The following LRRIQ1 variants were observed in gnomAD, a reference collection of about 807,000 sequenced individuals.
LRRIQ1 encodes leucine rich repeats and IQ motif containing 1, also known as leucine-rich repeat- and IQ domain-containing protein 1.
In LRRIQ1, 210 loss-of-function variants were observed where a neutral mutation model predicts 211.9. The ratio of observed to expected loss-of-function variants is 0.99; its 90% confidence interval spans 0.89 to 1.11. The LOEUF (loss-of-function observed/expected upper bound fraction) is 1.11, where lower values mean the gene tolerates loss of function less well. Ranked by LOEUF, LRRIQ1 falls within the 50% of genes most tolerant of loss-of-function variation. The probability of loss-of-function intolerance (pLI) is 0.00; values close to 1 mark genes in which losing one functional copy is unlikely to be tolerated. For synonymous variants in LRRIQ1, 699 were observed against 650.1 expected (o/e 1.08, Z -1.14); for missense variants, 2,136 against 1,939.5 (o/e 1.10, Z -1.90).
At chr12:85,098,740 T>C (rs1017304622) in intron 12 of LRRIQ1, 127 bp from the exon 13 acceptor site, 7 of 722,534 alleles carry the variant, frequency 9.7e-6, no homozygotes, top group South Asian at 5.5e-5. Flanking sequence ...AAAAGTCTTA[T>C]ACCTTATGAT....
Position 85,236,830 on chromosome 12 carries a change from C to CATATATATATATATCTATATATAT in LRRIQ1, c.5016+4088_5016+4089insCTATATATATATATATATATATAT, listed in dbSNP as rs1555228690. ...CTGGATATATGTATGTGTATGTGTGCATATATATATATATATATATATATA... is the reference window on the plus strand; with the variant it reads ...CTGGATATATGTATGTGTATGTGTGCATATATATATATATCTATATATATATATATATATATATATATATATATA... On this transcript the variant is annotated intron_variant, in intron 26 of 26. Coordinates refer to ENST00000393217, the MANE Select transcript of LRRIQ1 (RefSeq NM_001079910.2). Among the ~76,000 whole-genome samples, 62 of 108,794 alleles carry CATATATATATATATCTATATATAT rather than the reference C, an allele frequency of 5.7e-4. 1 individual carries two copies. Among genetic ancestry groups the CATATATATATATATCTATATATAT allele is most frequent in the East Asian group, 4.0e-3 (16 of 3,988 alleles). 71.4% of individuals were successfully genotyped at this position (108,794 alleles called of 152,430 possible).
At chr12:85,122,023 C>A (rs1888024111) in intron 16 of LRRIQ1, 147 bp downstream of exon 16, 2 of 521,824 alleles carry the variant, frequency 3.8e-6, no homozygotes, top group Non-Finnish European at 6.0e-6. Context: ...AAACTTTGGA[C>A]ATCATGTTTT....
At chr12:85,143,844 T>A (rs908659886) in intron 19 of LRRIQ1, among the ~76,000 whole-genome samples, 1 of 151,600 alleles carries the variant, frequency 6.6e-6, no homozygotes, top group Non-Finnish European at 1.5e-5. Flanking sequence ...CAGGTGTTTA[T>A]GTTTTGTTTT....
At chr12:85,102,282 C>T (rs1234260968) in intron 13 of LRRIQ1, among the ~76,000 whole-genome samples, 2 of 151,584 alleles carry the variant, frequency 1.3e-5, no homozygotes, top group African/African-American at 4.8e-5. Flanking sequence ...CCTTCCCTTC[C>T]CTTGACTTTT....
At chr12:85,089,727 A>G (rs1885183861) in intron 11 of LRRIQ1, among the ~76,000 whole-genome samples, 1 of 152,214 alleles carries the variant, frequency 6.6e-6, no homozygotes. Flanking sequence ...GTAGCAAAAT[A>G]ATGACTTATA....
At chr12:85,067,289 A>G (rs1023109032) in intron 10 of LRRIQ1, among the ~76,000 whole-genome samples, 1 of 151,884 alleles carries the variant, frequency 6.6e-6, no homozygotes, top group Non-Finnish European at 1.5e-5. Context: ...CTCATTAGCT[A>G]CATACATCAC....
chr12:85,115,411 C>T (rs1887500788), intron 15 of LRRIQ1, among the ~76,000 whole-genome samples: 1 of 152,134 alleles, frequency 6.6e-6, no homozygotes, highest in Non-Finnish European at 1.5e-5. Flanking sequence ...AATCTGGATA[C>T]TGATTATATA....
intron 26 of LRRIQ1, among the ~76,000 whole-genome samples, chr12:85,239,356 TACACACACACACAC>T (rs55912271): frequency 1.4e-5 from 2 of 145,060 alleles, no homozygotes; most frequent in Admixed American, 7.0e-5. Context: ...AACTGTTTTA[TACACACACACACAC>T]ACACACACAC....
chr12:85,191,554 G>A (rs1809706176), intron 24 of LRRIQ1, among the ~76,000 whole-genome samples: 1 of 151,966 alleles, frequency 6.6e-6, no homozygotes, highest in African/African-American at 2.4e-5. Context: ...CACAGTTTAT[G>A]TAACCATCCA....
chr12:85,264,175 AT>A (rs1489239504), exon 2 of LRRIQ1: 1 of 152,036 alleles, frequency 6.6e-6, no homozygotes, highest in Non-Finnish European at 1.5e-5. Flanking sequence ...TCCCTATTGC[AT>A]TGCAAACCTA....
chr12:85,084,601 A>G (rs541095464), intron 11 of LRRIQ1, among the ~76,000 whole-genome samples: 12 of 152,260 alleles, frequency 7.9e-5, no homozygotes, highest in African/African-American at 2.6e-4. Flanking sequence ...ATTTTACACT[A>G]CTGAAACAGA....
chr12:85,124,771 T>A (rs990165445), intron 17 of LRRIQ1: 3 of 367,714 alleles, frequency 8.2e-6, no homozygotes, highest in African/African-American at 2.1e-5. Flanking sequence ...TGTGAGTTTT[T>A]TTCTGCCTTG....
At chr12:85,104,596 A>G (rs1013970062) in intron 14 of LRRIQ1, among the ~76,000 whole-genome samples, 1 of 151,874 alleles carries the variant, frequency 6.6e-6, no homozygotes, top group Non-Finnish European at 1.5e-5. Flanking sequence ...TGATATTAGC[A>G]TCTGACATTC....
intron 24 of LRRIQ1, among the ~76,000 whole-genome samples, chr12:85,217,115 TATCTA>T (rs1009701984): frequency 2.0e-5 from 3 of 151,816 alleles, no homozygotes; most frequent in African/African-American, 7.2e-5. Flanking sequence ...ATCAGAAACT[TATCTA>T]TATAATTCAG....
chr12:85,100,138 G>A (rs185726980), intron 13 of LRRIQ1, among the ~76,000 whole-genome samples: 14 of 151,794 alleles, frequency 9.2e-5, no homozygotes, highest in Non-Finnish European at 1.6e-4. Context: ...GAGGAATTGA[G>A]ATACCTAACG....
chr12:85,072,894 T>A lies in LRRIQ1; in HGVS notation c.2696-13T>A. The A allele has an allele frequency of 6.3e-7, 1 of 1,588,026 alleles. No individual in the cohort carries two copies. The highest frequency in any genetic ancestry group is 8.6e-7 in the Non-Finnish European group (1 of 1,167,386). Reference sequence around the variant, plus strand: ...TCTTATATATTTGGTCTTAATTCTGTCATCCTACTCAGGATATTCCTTCTT... The same window carrying A: ...TCTTATATATTTGGTCTTAATTCTGACATCCTACTCAGGATATTCCTTCTT... On this transcript the variant is annotated splice_polypyrimidine_tract_variant and intron_variant, in intron 10 of 26. Coordinates refer to ENST00000393217, the MANE Select transcript of LRRIQ1 (RefSeq NM_001079910.2).
chr12:85,073,876 A>T (rs991673021), intron 11 of LRRIQ1, among the ~76,000 whole-genome samples: 5 of 152,182 alleles, frequency 3.3e-5, no homozygotes, highest in Admixed American at 6.6e-5. Flanking sequence ...TTTGTCTTTC[A>T]GTGATATATT....
At chr12:85,042,848 A>T (rs989141050) in intron 3 of LRRIQ1, among the ~76,000 whole-genome samples, 5 of 152,104 alleles carry the variant, frequency 3.3e-5, no homozygotes, top group African/African-American at 1.2e-4. Flanking sequence ...TTTATTTCTA[A>T]AAGCTATATA....
chr12:85,150,301 T>C (rs1890158192), intron 19 of LRRIQ1, among the ~76,000 whole-genome samples: 1 of 151,786 alleles, frequency 6.6e-6, no homozygotes, highest in Admixed American at 6.6e-5. Flanking sequence ...GCTGATATAC[T>C]GGCCCTTGAT....
Sources: allele counts gnomAD v4.1 joint callset (sites outside exome capture counted in the v4.1 genomes callset), GRCh38; gene constraint gnomAD v4.1.1; transcripts MANE v1.5; gene names NCBI Gene and HGNC (gene_info 2026-07-23, HGNC 2026-07-21).